The following ANXA6 variants were observed in gnomAD, a reference collection of about 807,000 sequenced individuals.
ANXA6 encodes the protein 67 kDa calelectrin.
ANXA6 carries 71 observed loss-of-function variants against 95.4 expected under a neutral mutation model. The observed-to-expected ratio is 0.74, with a 90% CI of 0.61 to 0.91. The LOEUF (loss-of-function observed/expected upper bound fraction) is 0.91, where lower values mean the gene tolerates loss of function less well. Ranked by LOEUF, ANXA6 falls within the 40% of genes least tolerant of loss-of-function variation. The probability of loss-of-function intolerance (pLI) is 0.00; values close to 1 mark genes in which losing one functional copy is unlikely to be tolerated. For missense variants in ANXA6, 830 were observed against 876.4 expected (o/e 0.95, Z 0.67); for synonymous variants, 289 against 315.9 (o/e 0.91, Z 0.90).
chr5:151,120,272 G>C lies in ANXA6; in HGVS notation c.1348-882C>G, dbSNP rs115310666. On this transcript the variant is annotated intron_variant, in intron 17 of 25. Transcript: ENST00000354546. ...GCAAAGATCTGCACACAGGGAAGCA[G>C]GGAAACTATCAGGGAGGAGAGGAGG... 2.8e-3 allele frequency among the ~76,000 whole-genome samples: 433 copies of C among 152,224 alleles called. 2 individuals are homozygous for C. Among genetic ancestry groups the C allele is most frequent in the African/African-American group, 9.7e-3 (401 of 41,524 alleles).
intron 7 of ANXA6, among the ~76,000 whole-genome samples, chr5:151,135,093 G>A (rs78659163): frequency 7.9e-5 from 12 of 152,312 alleles, no homozygotes; most frequent in African/African-American, 2.9e-4. Context: ...GGGGCGAGCA[G>A]TACTCAACTC....
intron 1 of ANXA6, chr5:151,155,374 C>T (rs1204654930): frequency 2.0e-5 from 3 of 152,188 alleles, no homozygotes; most frequent in Admixed American, 1.3e-4. Flanking sequence ...TGCCATCTTA[C>T]AGCCTCATGA....
At chr5:151,105,439 C>T in intron 23 of ANXA6, 136 bp from the exon 24 acceptor site, 1 of 745,252 alleles carries the variant, frequency 1.3e-6, no homozygotes, top group Non-Finnish European at 2.4e-6. Flanking sequence ...CAGGGTCATG[C>T]TCAGACGACA....
At chr5:151,105,326 GC>G (rs1764666867) in intron 23 of ANXA6, 23 bp from the exon 24 acceptor site, 2 of 1,612,746 alleles carry the variant, frequency 1.2e-6, no homozygotes, top group Non-Finnish European at 1.7e-6. Flanking sequence ...GCAGAGAGAT[GC>G]GGGGAACGTG....
intron 17 of ANXA6, among the ~76,000 whole-genome samples, chr5:151,120,164 T>C (rs1765122767): frequency 1.3e-5 from 2 of 152,172 alleles, no homozygotes; most frequent in South Asian, 4.2e-4. Context: ...CTGGCTTACA[T>C]TTGTTTACTC....
chr5:151,103,093 T>C (rs1302157289), intron 25 of ANXA6, among the ~76,000 whole-genome samples: 2 of 152,224 alleles, frequency 1.3e-5, no homozygotes, highest in East Asian at 3.9e-4. Flanking sequence ...ACCTCCTGGG[T>C]TCAAGCGATT....
chr5:151,129,944 G>A (rs761813483), intron 11 of ANXA6, among the ~76,000 whole-genome samples: 8 of 152,092 alleles, frequency 5.3e-5, no homozygotes, highest in Non-Finnish European at 1.0e-4. Flanking sequence ...CTGGCCTCAA[G>A]GGCTGCCTTG....
chr5:151,135,670 G>T (rs761516929), intron 7 of ANXA6, among the ~76,000 whole-genome samples: 2 of 152,202 alleles, frequency 1.3e-5, no homozygotes, highest in African/African-American at 4.8e-5. Flanking sequence ...CACTGCAGTC[G>T]TGCAGAATGC....
chr5:151,137,476 C>T (rs1038792755), intron 5 of ANXA6, among the ~76,000 whole-genome samples, 155 bp from the exon 6 acceptor site: 2 of 152,132 alleles, frequency 1.3e-5, no homozygotes, highest in African/African-American at 4.8e-5. Flanking sequence ...TGCCTTGAGA[C>T]TCATAAGACA....
At chr5:151,124,563 AAG>A (rs1765263650) in intron 14 of ANXA6, among the ~76,000 whole-genome samples, 196 bp from the exon 15 acceptor site, 2 of 147,722 alleles carry the variant, frequency 1.4e-5, no homozygotes, top group South Asian at 4.2e-4. Flanking sequence ...GAGAGAGAGA[AAG>A]AGACAGAAAG....
chr5:151,134,061 T>G (rs567742147), intron 8 of ANXA6, among the ~76,000 whole-genome samples: 28 of 152,334 alleles, frequency 1.8e-4, no homozygotes, highest in African/African-American at 6.5e-4. Context: ...AAGGTGTTTG[T>G]GTGATTAATG....
Position 151,140,157 on chromosome 5 carries a change from G to A in ANXA6, c.105C>T (p.Gly35=). The part of the protein sequence containing the change: ...DAEALYTAMK[G]FGSDKEAILD... ...CCCATGAAGCCTGGCACCCACCAAAGCCCTTCATGGCAGTGTACAGAGCCT... is the reference window on the plus strand; with the variant it reads ...CCCATGAAGCCTGGCACCCACCAAAACCCTTCATGGCAGTGTACAGAGCCT... The change falls in exon 3 of 26, where the codon GGC becomes GGT. Residue 35 remains glycine (G), a synonymous_variant. Transcript: ENST00000354546. 1 of 1,613,884 alleles carries A rather than the reference G, an allele frequency of 6.2e-7. No homozygotes were observed.
chr5:151,153,217 T>A (rs1163310699), intron 1 of ANXA6, among the ~76,000 whole-genome samples: 1 of 152,190 alleles, frequency 6.6e-6, no homozygotes, highest in Non-Finnish European at 1.5e-5. Flanking sequence ...ACATTTTTAA[T>A]CCAGCTTTCC....
chr5:151,133,137 G>T lies in ANXA6; in HGVS notation c.597C>A (p.Phe199Leu). ...ELKWGTDEAQFIYILGNRSKQ... is the reference protein window; with the variant it reads ...ELKWGTDEAQLIYILGNRSKQ... The stretch of plus-strand genomic sequence containing the variant: ...TGCTGCGATTTCCCAAGATGTAAAT[G>T]AACTGGGCTTCATCTGTTCCCCATT... Residue 199 changes from phenylalanine to leucine, a missense_variant, in exon 9 of 26, where the codon TTC (phenylalanine) becomes TTA (leucine). Transcript: ENST00000354546. 6.3e-7 allele frequency: 1 copy of T among 1,599,810 alleles called. No individual in the cohort carries two copies. The highest frequency in any genetic ancestry group is 8.5e-7 in the Non-Finnish European group (1 of 1,173,006).
At chr5:151,101,559 G>A in intron 25 of ANXA6, 52 bp from the exon 26 acceptor site, 4 of 1,477,040 alleles carry the variant, frequency 2.7e-6, no homozygotes, top group Non-Finnish European at 3.7e-6. Flanking sequence ...CAGTCTCAAT[G>A]CCCCCTCCTC....
rs371544741 is a variant in ANXA6, at chr5:151,119,273, A to C, written c.1438+27T>G. On this transcript the variant is annotated intron_variant, in intron 18 of 25. Coordinates refer to ENST00000354546, the MANE Select transcript of ANXA6 (RefSeq NM_001155.5). ...TGGGGGGCCTGGCTGTTCTCCCAGCATCTGGGCCCAGGCCTCCCAAACTCA... is the reference window on the plus strand; with the variant it reads ...TGGGGGGCCTGGCTGTTCTCCCAGCCTCTGGGCCCAGGCCTCCCAAACTCA... 3.4e-5 allele frequency: 55 copies of C among 1,596,892 alleles called. No homozygotes were observed. In the African/African-American group the frequency reaches 6.8e-4, roughly 20 times the overall value.
At chr5:151,116,912 T>A (rs1401324485) in intron 20 of ANXA6, among the ~76,000 whole-genome samples, 1 of 152,214 alleles carries the variant, frequency 6.6e-6, no homozygotes, top group African/African-American at 2.4e-5. Context: ...CCCTGCCAGC[T>A]CTGAGGGTCC....
At chr5:151,130,222 G>GT (rs141209191) in intron 11 of ANXA6, among the ~76,000 whole-genome samples, 2,111 of 149,588 alleles carry the variant, frequency 0.014, 24 homozygotes, top group South Asian at 0.03. Flanking sequence ...ACTGTTATAA[G>GT]TTTTTTTTTT....
chr5:151,132,965 G>A (rs1305657881), intron 9 of ANXA6, 129 bp downstream of exon 9: 6 of 746,218 alleles, frequency 8.0e-6, no homozygotes, highest in Non-Finnish European at 1.3e-5. Context: ...ATAAACTCAG[G>A]ACTAAAGTTT....
Sources: allele counts gnomAD v4.1 joint callset (sites outside exome capture counted in the v4.1 genomes callset), GRCh38; gene constraint gnomAD v4.1.1; transcripts MANE v1.5; gene names NCBI Gene and HGNC (gene_info 2026-07-23, HGNC 2026-07-21).